Variants in STIL observed in about 807,000 individuals in gnomAD.
The protein encoded by STIL is STIL centriolar assembly protein, also known as SCL-interrupting locus protein.
A neutral mutation model predicts 110.1 loss-of-function variants in STIL; 55 were observed. The ratio of observed to expected loss-of-function variants is 0.50; its 90% confidence interval spans 0.40 to 0.63. STIL has a LOEUF of 0.63. Among genes scored for constraint, STIL ranks in the 20% least tolerant of loss-of-function variants. The pLI, the probability that STIL is intolerant of heterozygous loss-of-function variation, is 0.00. For synonymous variants in STIL, 481 were observed against 530.0 expected, an observed-to-expected ratio of 0.91 and a Z score of 1.27; for missense variants, 1,358 against 1,530.0, an observed-to-expected ratio of 0.89 and a Z score of 1.87.
Position 47,304,918 on chromosome 1 carries a change from A to C in STIL, c.123T>G (p.Asp41Glu), listed in dbSNP as rs199753420. 78 of 1,613,810 alleles carry C rather than the reference A, an allele frequency of 4.8e-5. No homozygotes were observed. The highest frequency in any genetic ancestry group is 5.1e-6 in the Non-Finnish European group (6 of 1,179,724). The change falls in exon 3 of 17, where the codon GAT becomes GAG. Residue 41 changes from aspartate (D) to glutamate (E), a missense_variant. Physicochemically the swap from Asp to Glu is conservative, Grantham distance 45 (BLOSUM62 2). Transcript: ENST00000371877. ...AGTAACTGAGATGTAAGTAGATGAAATCTCCAGTTGGCGTTGGGTTCCAAA... is the reference window on the plus strand; with the variant it reads ...AGTAACTGAGATGTAAGTAGATGAACTCTCCAGTTGGCGTTGGGTTCCAAA... ...CALWNPTPTGDFIYLHLSYYR... is the reference protein window; with the variant it reads ...CALWNPTPTGEFIYLHLSYYR...
Position 47,293,456 on chromosome 1 carries a change from G to A in STIL, c.872+2C>T. On this transcript the variant is annotated splice_donor_variant, in intron 8 of 16. Transcript: ENST00000371877. LOFTEE classifies it low-confidence loss of function (GC_TO_GT_DONOR). ...AGTACTACAGAATAAAATATCACTT[G>A]CCTTTCTTGAACAGAAGAATTGAAT... The A allele has an allele frequency of 6.2e-7, 1 of 1,609,872 alleles. No homozygotes were observed. The highest frequency in any genetic ancestry group is 1.1e-5 in the South Asian group (1 of 90,986).
Position 47,251,949 on chromosome 1 carries a change from C to T in STIL, c.3081-27G>A, listed in dbSNP as rs553971521. 1.3e-4 allele frequency: 211 copies of T among 1,603,876 alleles called. No individual in the cohort carries two copies. The Middle Eastern group carries it at 2.3e-3, about 18-fold the overall frequency. ...TGAAAGACACAAAGTAGTAAGCCATCATTTACCATATTCTAAGTAATACAT... is the reference window on the plus strand; with the variant it reads ...TGAAAGACACAAAGTAGTAAGCCATTATTTACCATATTCTAAGTAATACAT... On this transcript the variant is annotated intron_variant, in intron 16 of 16. Transcript: ENST00000371877.
chr1:47,275,420 A>G (rs1644963149), intron 12 of STIL, among the ~76,000 whole-genome samples: 1 of 151,808 alleles, frequency 6.6e-6, no homozygotes, highest in Non-Finnish European at 1.5e-5. Context: ...CATCCTGGCT[A>G]ACATGGTAAA....
intron 12 of STIL, among the ~76,000 whole-genome samples, chr1:47,278,800 T>TAA (rs1234942797): frequency 1.4e-5 from 2 of 145,662 alleles, no homozygotes; most frequent in Non-Finnish European, 3.0e-5. Flanking sequence ...ACCTTTTCTC[T>TAA]AAAAAAAAAA....
intron 8 of STIL, among the ~76,000 whole-genome samples, chr1:47,292,603 G>GA (rs1044663104): frequency 6.6e-6 from 1 of 152,072 alleles, no homozygotes; most frequent in Non-Finnish European, 1.5e-5. Context: ...AATTTATACA[G>GA]AAAAAAGCAA....
intron 10 of STIL, chr1:47,282,804 G>A (rs1645188223): frequency 4.0e-6 from 1 of 251,232 alleles, no homozygotes; most frequent in African/African-American, 2.3e-5. Flanking sequence ...TTATAATCTA[G>A]TATTAAAGGT....
At chr1:47,303,638 T>C (rs1645870003) in intron 3 of STIL, among the ~76,000 whole-genome samples, 1 of 151,928 alleles carries the variant, frequency 6.6e-6, no homozygotes, top group African/African-American at 2.4e-5. Context: ...TAAGCAGACT[T>C]GAAAAACAAA....
At chr1:47,279,296 A>C (rs1645081883) in intron 12 of STIL, among the ~76,000 whole-genome samples, 1 of 150,590 alleles carries the variant, frequency 6.6e-6, no homozygotes, top group South Asian at 2.1e-4. Context: ...AAAAAAAAAA[A>C]AAAATCATAC....
chr1:47,311,781 T>C (rs1646133374), intron 1 of STIL, among the ~76,000 whole-genome samples: 1 of 152,150 alleles, frequency 6.6e-6, no homozygotes, highest in South Asian at 2.1e-4. Context: ...GTGTGGGAGC[T>C]CATTCCTGTA....
At chr1:47,260,244 A>C (rs776084051) in intron 16 of STIL, 45 bp downstream of exon 16, 2 of 1,537,134 alleles carry the variant, frequency 1.3e-6, no homozygotes, top group Non-Finnish European at 1.8e-6. Flanking sequence ...AAATTTTTAA[A>C]AAATAAAATT....
intron 1 of STIL, chr1:47,313,215 T>TA (rs1259596807): frequency 6.6e-6 from 1 of 152,084 alleles, no homozygotes; most frequent in Non-Finnish European, 1.5e-5. Context: ...TCCCAGCTAC[T>TA]AGGGAGGCTG....
rs572550276 is a variant in STIL at position 47,266,717 on chromosome 1, C to A, written c.2615+2918G>T. On this transcript the variant is annotated intron_variant, in intron 14 of 16. Transcript: ENST00000371877. ...CACGAATTCCACAAGTCCAAGACAT[C>A]TTCATCTCACTTGGTCTTTAGTTTA... 2.6e-5 allele frequency among the ~76,000 whole-genome samples: 4 copies of A among 152,276 alleles called. No homozygotes were observed. The South Asian group carries it at 8.3e-4, about 32-fold the overall frequency.
intron 14 of STIL, among the ~76,000 whole-genome samples, chr1:47,263,586 A>G (rs575842475): frequency 4.9e-4 from 74 of 152,294 alleles, no homozygotes; most frequent in Non-Finnish European, 1.0e-3. Flanking sequence ...CAGGCTGCAT[A>G]TAAACTAAAC....
chr1:47,276,850 A>C (rs373932388), intron 12 of STIL, among the ~76,000 whole-genome samples: 2 of 149,928 alleles, frequency 1.3e-5, no homozygotes, highest in South Asian at 4.2e-4. Context: ...CCATCTTCTA[A>C]GACTGGTAAT....
chr1:47,313,019 C>T (rs973805143), intron 1 of STIL: 2 of 152,158 alleles, frequency 1.3e-5, no homozygotes, highest in African/African-American at 4.8e-5. Flanking sequence ...AATTATTCTC[C>T]TGCTTTAAAA....
intron 10 of STIL, among the ~76,000 whole-genome samples, chr1:47,284,907 A>C (rs950254825): frequency 6.6e-6 from 1 of 151,820 alleles, no homozygotes; most frequent in Non-Finnish European, 1.5e-5. Context: ...AAAAAAGATA[A>C]AGACTGACTT....
chr1:47,294,223 C>T (rs1170942070), intron 7 of STIL, among the ~76,000 whole-genome samples: 2 of 152,178 alleles, frequency 1.3e-5, no homozygotes, highest in Non-Finnish European at 2.9e-5. Flanking sequence ...TGCTCCCTAT[C>T]ATATCTTTCT....
At chr1:47,268,275 A>G (rs899703635) in intron 14 of STIL, among the ~76,000 whole-genome samples, 37 of 151,266 alleles carry the variant, frequency 2.4e-4, no homozygotes, top group African/African-American at 8.7e-4. Context: ...GGGAAGCCCC[A>G]TCTCTACTAA....
chr1:47,269,672 C>T lies in STIL; in HGVS notation c.2578G>A (p.Val860Met), dbSNP rs1468067884. 1 of 1,614,198 alleles carries T rather than the reference C, an allele frequency of 6.2e-7. No individual in the cohort carries two copies. Among genetic ancestry groups the T allele is most frequent in the Non-Finnish European group, 8.5e-7 (1 of 1,180,026 alleles). Residue 860 changes from valine to methionine, a missense_variant, in exon 14 of 17, where the codon GTG becomes ATG. Val to Met is a conservative substitution (Grantham distance 21). Coordinates refer to ENST00000371877, the MANE Select transcript of STIL (RefSeq NM_001048166.1). Reference sequence around the variant, plus strand: ...AGTGGCTGGTTAAATTCTTCTTCCACAGCAATGTTGCTCTCTTCAAAACTG... The same window carrying T: ...AGTGGCTGGTTAAATTCTTCTTCCATAGCAATGTTGCTCTCTTCAAAACTG... ...IPSFEESNIA[V>M]EEEFNQPLSV...
Sources: allele counts gnomAD v4.1 joint callset (sites outside exome capture counted in the v4.1 genomes callset), GRCh38; gene constraint gnomAD v4.1.1; transcripts MANE v1.5; gene names NCBI Gene and HGNC (gene_info 2026-07-23, HGNC 2026-07-21).